ANO6: variants seen among roughly 807,000 people sequenced by gnomAD.
The protein encoded by ANO6 is anoctamin 6.
Under a neutral mutation model 117.5 loss-of-function variants are expected in ANO6, and 106 were observed. The observed-to-expected ratio is 0.90, with a 90% CI of 0.77 to 1.06. The LOEUF (loss-of-function observed/expected upper bound fraction) is 1.06, where lower values mean the gene tolerates loss of function less well. Ranked by LOEUF, ANO6 falls within the 50% of genes least tolerant of loss-of-function variation. The pLI, the probability that ANO6 is intolerant of heterozygous loss-of-function variation, is 0.00. For synonymous variants in ANO6, 367 were observed against 385.1 expected, an observed-to-expected ratio of 0.95 and a Z score of 0.55; for missense variants, 955 against 1,121.1, an observed-to-expected ratio of 0.85 and a Z score of 2.12.
rs533490994 is a variant in ANO6, at chr12:45,414,996, A to T, written c.2012-1703A>T. ...TGGTCTCAAACTCCTGGGCTCAAAT[A>T]ATCCTCCCGCCTCAGCCTCCCAAAG... is the stretch of plus-strand genomic sequence containing the variant. On this transcript the variant is annotated intron_variant, in intron 16 of 19. Transcript: ENST00000320560. Among the ~76,000 whole-genome samples the T allele has an allele frequency of 5.9e-5, 9 of 152,160 alleles. No individual in the cohort carries two copies. The South Asian group carries it at 1.7e-3, about 28-fold the overall frequency.
At chr12:45,357,190 C>T (rs2137474090) in intron 7 of ANO6, 100 bp from the exon 8 acceptor site, 4 of 1,387,722 alleles carry the variant, frequency 2.9e-6, no homozygotes, top group East Asian at 4.6e-5. Flanking sequence ...CAGATTTAAG[C>T]TTAAAGCCTC....
rs546294083 is a variant in ANO6 at position 45,284,009 on chromosome 12, T to A, written c.71-18005T>A. 2.6e-5 allele frequency among the ~76,000 whole-genome samples: 4 copies of A among 152,334 alleles called. No individual in the cohort carries two copies. In the South Asian group the frequency reaches 8.3e-4, roughly 32 times the overall value. On this transcript the variant is annotated intron_variant, in intron 1 of 19. Coordinates refer to ENST00000320560, the MANE Select transcript of ANO6 (RefSeq NM_001025356.3). ...ACTGACAAGAGGCAGATTAATAGGA[T>A]AAAAGGCATACAAATTTATTTGATC...
rs564572384 is a variant in ANO6 at position 45,329,970 on chromosome 12, G to C, written c.151-1325G>C. 3.3e-5 allele frequency among the ~76,000 whole-genome samples: 5 copies of C among 152,190 alleles called. No homozygotes were observed. In the South Asian group the frequency reaches 1.0e-3, roughly 32 times the overall value. ...AACTGAAATTGCAAATATAAGAATT[G>C]GATAGTGATATCAGCCTAAGACATG... is the stretch of plus-strand genomic sequence containing the variant. On this transcript the variant is annotated intron_variant, in intron 2 of 19. Coordinates refer to ENST00000320560, the MANE Select transcript of ANO6 (RefSeq NM_001025356.3).
intron 1 of ANO6, among the ~76,000 whole-genome samples, chr12:45,254,939 C>A (rs1016088889): frequency 2.8e-4 from 42 of 152,090 alleles, no homozygotes; most frequent in African/African-American, 9.7e-4. Flanking sequence ...CCTCATCAAG[C>A]TTTGATTCAA....
chr12:45,422,262 A>G (rs1353859368), intron 18 of ANO6, among the ~76,000 whole-genome samples: 1 of 152,202 alleles, frequency 6.6e-6, no homozygotes, highest in African/African-American at 2.4e-5. Flanking sequence ...AGCACTCTGT[A>G]TGAGGAGAGA....
chr12:45,320,507 T>G (rs1940223388), intron 2 of ANO6, among the ~76,000 whole-genome samples: 1 of 152,172 alleles, frequency 6.6e-6, no homozygotes. Context: ...TTTCTGTTCT[T>G]TTACATTTGC....
At chr12:45,221,691 A>ATGTCT (rs1381909217) in intron 1 of ANO6, among the ~76,000 whole-genome samples, 69 of 152,222 alleles carry the variant, frequency 4.5e-4, no homozygotes, top group Admixed American at 4.4e-3. Context: ...GTCATGGAAT[A>ATGTCT]GAGAAGAATG....
chr12:45,294,145 C>A (rs1433012470), intron 1 of ANO6, among the ~76,000 whole-genome samples: 1 of 151,970 alleles, frequency 6.6e-6, no homozygotes, highest in African/African-American at 2.4e-5. Flanking sequence ...TAGTGACTTA[C>A]CAAAATATTG....
chr12:45,331,259 A>G, intron 2 of ANO6, 36 bp from the exon 3 acceptor site: 1 of 1,567,336 alleles, frequency 6.4e-7, no homozygotes, highest in Non-Finnish European at 8.7e-7. Context: ...TTTTCAAAAA[A>G]TTATATATTA....
At chr12:45,359,197 A>G (rs1941491590) in intron 8 of ANO6, among the ~76,000 whole-genome samples, 1 of 152,246 alleles carries the variant, frequency 6.6e-6, no homozygotes, top group Non-Finnish European at 1.5e-5. Flanking sequence ...GCCCCTGGCA[A>G]CCACTAATCT....
intron 1 of ANO6, among the ~76,000 whole-genome samples, chr12:45,279,391 C>T (rs1462500025): frequency 1.3e-5 from 2 of 152,232 alleles, no homozygotes; most frequent in African/African-American, 4.8e-5. Flanking sequence ...GTTACTGTCT[C>T]TCCTCCTCTA....
rs549666811 is a variant in ANO6, at chr12:45,419,427, AAAAG to A, written c.2218-1643_2218-1640del. On this transcript the variant is annotated intron_variant, in intron 17 of 19. Transcript: ENST00000320560. ...TTTAATCTATTGAAATCTGAGGGAA[AAAAG>A]GTAAAATATTCGTGTGGCTCCCCAG... 2.3e-4 allele frequency among the ~76,000 whole-genome samples: 35 copies of A among 152,350 alleles called. No homozygotes were observed. The South Asian group carries it at 7.0e-3, about 31-fold the overall frequency.
chr12:45,397,799 C>T (rs1942665001), intron 12 of ANO6, among the ~76,000 whole-genome samples: 2 of 152,156 alleles, frequency 1.3e-5, no homozygotes, highest in South Asian at 4.1e-4. Flanking sequence ...ATAACTTGGA[C>T]ACCGTGGGGA....
At chr12:45,233,833 C>T (rs1316426401) in intron 1 of ANO6, among the ~76,000 whole-genome samples, 2 of 152,140 alleles carry the variant, frequency 1.3e-5, no homozygotes, top group African/African-American at 4.8e-5. Flanking sequence ...ATTGATTTTG[C>T]CCATTCTTGA....
chr12:45,436,565 T>C (rs1270300427), downstream of ANO6, among the ~76,000 whole-genome samples: 2 of 152,066 alleles, frequency 1.3e-5, no homozygotes, highest in Non-Finnish European at 1.5e-5. Context: ...CCCTTGGAGG[T>C]GAATGTTTCA....
intron 3 of ANO6, among the ~76,000 whole-genome samples, chr12:45,345,758 C>T (rs1941113075): frequency 6.6e-6 from 1 of 151,836 alleles, no homozygotes; most frequent in African/African-American, 2.4e-5. Flanking sequence ...AATAATAAAT[C>T]AGATTTTGAA....
intron 7 of ANO6, among the ~76,000 whole-genome samples, chr12:45,355,110 T>C (rs1367237995): frequency 6.6e-6 from 1 of 152,172 alleles, no homozygotes; most frequent in Non-Finnish European, 1.5e-5. Flanking sequence ...ACTGCTCCTT[T>C]TTATAACCAG....
intron 2 of ANO6, among the ~76,000 whole-genome samples, chr12:45,319,501 T>TG (rs1940178783): frequency 6.6e-6 from 1 of 152,252 alleles, no homozygotes; most frequent in Non-Finnish European, 1.5e-5. Flanking sequence ...TTTGATGTGC[T>TG]GCTGGATTTG....
At chr12:45,216,670 G>T (rs1387708631) in intron 1 of ANO6, among the ~76,000 whole-genome samples, 1 of 152,228 alleles carries the variant, frequency 6.6e-6, no homozygotes, top group Non-Finnish European at 1.5e-5. Flanking sequence ...CTGCGGGGAC[G>T]CCTCTGCGTG....
Sources: allele counts gnomAD v4.1 joint callset (sites outside exome capture counted in the v4.1 genomes callset), GRCh38; gene constraint gnomAD v4.1.1; transcripts MANE v1.5; gene names NCBI Gene and HGNC (gene_info 2026-07-23, HGNC 2026-07-21).